MATN2: variants seen among roughly 807,000 people sequenced by gnomAD.
MATN2 encodes the protein matrilin-2.
A neutral mutation model predicts 103.2 loss-of-function variants in MATN2; 69 were observed. The ratio of observed to expected loss-of-function variants is 0.67; its 90% CI spans 0.55 to 0.82. The LOEUF is 0.82. Ranked by LOEUF, MATN2 falls within the 40% of genes least tolerant of loss-of-function variation. The pLI, the probability that MATN2 is intolerant of heterozygous loss-of-function variation, is 0.00. For missense variants in MATN2, 1,023 were observed against 1,211.5 expected, an observed-to-expected ratio of 0.84 and a Z score of 2.31; for synonymous variants, 429 against 450.2, an observed-to-expected ratio of 0.95 and a Z score of 0.60.
At chr8:97,902,244 C>A (rs1362450369) in intron 2 of MATN2, among the ~76,000 whole-genome samples, 2 of 151,048 alleles carry the variant, frequency 1.3e-5, no homozygotes, top group Non-Finnish European at 3.0e-5. Context: ...ACCTGTAATC[C>A]CAGCACTTTG....
intron 2 of MATN2, among the ~76,000 whole-genome samples, chr8:97,897,091 T>C (rs771377091): frequency 2.6e-4 from 40 of 152,218 alleles, no homozygotes; most frequent in Non-Finnish European, 1.0e-4. Context: ...TTAAACTTCA[T>C]TGTGCATCAA....
chr8:97,882,008 G>C (rs932253029), intron 1 of MATN2, among the ~76,000 whole-genome samples: 3 of 134,964 alleles, frequency 2.2e-5, no homozygotes, highest in Admixed American at 1.8e-4. Flanking sequence ...TGCAACCTCT[G>C]CCTCCCGGGT....
chr8:98,032,991 A>AT, intron 16 of MATN2, 51 bp from the exon 17 acceptor site: 6 of 1,555,742 alleles, frequency 3.9e-6, no homozygotes, highest in South Asian at 2.5e-5. Context: ...TGGCTGTTTT[A>AT]TAACCAAAAG....
chr8:97,961,454 T>G lies in MATN2; in HGVS notation c.882T>G (p.Cys294Trp), dbSNP rs1293420209. Reference sequence around the variant, plus strand: ...AGGACCACAACTGTGAGCAGCTCTGTGTGAATGTGCCGGGCTCCTTCGTCT... The same window carrying G: ...AGGACCACAACTGTGAGCAGCTCTGGGTGAATGTGCCGGGCTCCTTCGTCT... The part of the protein sequence containing the change: ...AMEDHNCEQL[C>W]VNVPGSFVCQ... The change falls in exon 5 of 19, where the codon TGT becomes TGG. Residue 294 changes from cysteine (C) to tryptophan (W), a missense_variant. Transcript: ENST00000254898. 6.2e-7 allele frequency: 1 copy of G among 1,613,738 alleles called. No individual in the cohort carries two copies. The highest frequency in any genetic ancestry group is 8.5e-7 in the Non-Finnish European group (1 of 1,179,826).
At chr8:97,897,208 TCA>T (rs1818843281) in intron 2 of MATN2, among the ~76,000 whole-genome samples, 1 of 152,228 alleles carries the variant, frequency 6.6e-6, no homozygotes, top group African/African-American at 2.4e-5. Context: ...CCTGGAAACC[TCA>T]GTTTGAGAAC....
chr8:97,999,881 A>G lies in MATN2; in HGVS notation c.1205-3780A>G, dbSNP rs533751067. ...GGATTCTTTTTTTTTTTTTTTTTTT[A>G]ATTTTTTAATTTTTTTAAAGACGGA... On this transcript the variant is annotated intron_variant, in intron 7 of 18. Transcript: ENST00000254898. Among the ~76,000 whole-genome samples, 381 of 110,116 alleles carry G rather than the reference A, an allele frequency of 3.5e-3. 1 individual carries two copies. The highest frequency in any genetic ancestry group is 8.2e-3 in the South Asian group (31 of 3,788). 72.2% of individuals were successfully genotyped at this position (110,116 alleles called of 152,430 possible).
intron 2 of MATN2, among the ~76,000 whole-genome samples, chr8:97,923,032 G>GA (rs1395154479): frequency 2.0e-5 from 3 of 152,118 alleles, no homozygotes; most frequent in African/African-American, 7.2e-5. Flanking sequence ...GCCTTATTAG[G>GA]GTCAGTCGTT....
At chr8:97,994,647 C>A (rs765072314) in intron 7 of MATN2, 45 bp downstream of exon 7, 2 of 1,583,748 alleles carry the variant, frequency 1.3e-6, no homozygotes, top group Non-Finnish European at 1.7e-6. Context: ...CTGCTAAATG[C>A]TCCTCTAGTT....
At chr8:97,898,929 A>G (rs1375818938) in intron 2 of MATN2, among the ~76,000 whole-genome samples, 2 of 150,158 alleles carry the variant, frequency 1.3e-5, no homozygotes, top group Non-Finnish European at 3.0e-5. Flanking sequence ...TTTTTTTCAT[A>G]TTTTTTTGTA....
At chr8:97,943,794 T>A (rs1335309132) in intron 4 of MATN2, among the ~76,000 whole-genome samples, 1 of 152,222 alleles carries the variant, frequency 6.6e-6, no homozygotes, top group Admixed American at 6.5e-5. Flanking sequence ...CCTCTCCTTG[T>A]CTCATGTCCC....
rs537175234 is a variant in MATN2, at chr8:98,036,586, G to C, written c.*874G>C. The C allele has an allele frequency of 6.6e-6, 1 of 152,158 alleles. No homozygotes were observed. Among genetic ancestry groups the C allele is most frequent in the South Asian group, 2.1e-4 (1 of 4,826 alleles). The allele number at this position is 152,158 out of a possible 1,614,324, so 9.4% of individuals were successfully genotyped here. A position where few individuals can be genotyped will look rare whatever the true frequency, so the allele number is the denominator to read the frequency against. ...AAGAATGTTACTAGGCTTTGTAAAA[G>C]CAAAAAATAAGGAACAACTTAAACA... On this transcript the variant is annotated 3_prime_UTR_variant, in exon 19 of 19. Transcript: ENST00000254898.
At chr8:98,019,300 G>A (rs1395163103) in intron 12 of MATN2, among the ~76,000 whole-genome samples, 1 of 152,074 alleles carries the variant, frequency 6.6e-6, no homozygotes, top group East Asian at 1.9e-4. Context: ...CAATTGTCAG[G>A]GGCTGGCAAG....
intron 1 of MATN2, among the ~76,000 whole-genome samples, chr8:97,884,517 G>C (rs1428538071): frequency 6.6e-6 from 1 of 152,132 alleles, no homozygotes; most frequent in East Asian, 1.9e-4. Context: ...GAGTGTGGTG[G>C]CTCATGCCTG....
At chr8:97,973,882 T>A (rs558952596) in intron 5 of MATN2, among the ~76,000 whole-genome samples, 12 of 152,234 alleles carry the variant, frequency 7.9e-5, no homozygotes, top group African/African-American at 2.6e-4. Flanking sequence ...ACCCATAATG[T>A]GTTGTCTATG....
intron 1 of MATN2, among the ~76,000 whole-genome samples, chr8:97,886,231 A>G (rs1183166884): frequency 1.3e-5 from 2 of 152,178 alleles, no homozygotes; most frequent in Admixed American, 6.5e-5. Flanking sequence ...TGATTCCTAC[A>G]TTATGTTGAG....
intron 5 of MATN2, among the ~76,000 whole-genome samples, chr8:97,976,364 C>A (rs903607724): frequency 1.3e-5 from 2 of 152,210 alleles, no homozygotes; most frequent in African/African-American, 4.8e-5. Context: ...CCTCCTCAGC[C>A]TCCCAAAGTG....
At chr8:97,980,558 CTTTTTT>C (rs71570278) in intron 6 of MATN2, among the ~76,000 whole-genome samples, 18 of 94,094 alleles carry the variant, frequency 1.9e-4, no homozygotes, top group East Asian at 9.6e-4. Flanking sequence ...TTATTCTTTC[CTTTTTT>C]TTTTTTTTTT....
intron 8 of MATN2, chr8:98,004,218 G>A (rs1812885719): frequency 5.5e-6 from 1 of 180,430 alleles, no homozygotes; most frequent in East Asian, 1.3e-4. Flanking sequence ...AACCTAGGAG[G>A]CAGAGGTGCA....
At chr8:97,908,874 C>T (rs1006862917) in intron 2 of MATN2, among the ~76,000 whole-genome samples, 2 of 152,160 alleles carry the variant, frequency 1.3e-5, no homozygotes, top group African/African-American at 2.4e-5. Flanking sequence ...GGTGATCCAC[C>T]GGCCTTGGCC....
Sources: gnomAD v4.1 joint callset for allele counts (sites outside exome capture counted in the v4.1 genomes callset) on GRCh38, gnomAD v4.1.1 for gene constraint, MANE v1.5 for transcripts, NCBI Gene and HGNC (gene_info 2026-07-23, HGNC 2026-07-21) for gene names.